Variants in EIF2S3 observed in about 807,000 individuals in gnomAD.
EIF2S3 encodes eukaryotic translation initiation factor 2 subunit 3.
In EIF2S3, 2 loss-of-function variants were observed where a neutral mutation model predicts 31.7. The observed-to-expected ratio is 0.06, with a 90% CI of 0.03 to 0.20. EIF2S3 has a LOEUF of 0.20. Among genes scored for constraint, EIF2S3 ranks in the 10% least tolerant of loss-of-function variants. The pLI is 1.00. For synonymous variants in EIF2S3, 120 were observed against 126.7 expected (o/e 0.95, Z 0.36); for missense variants, 96 against 359.3 (o/e 0.27, Z 5.92).
At chrX:24,063,821 T>C (rs1930530024) in intron 6 of EIF2S3, among the ~76,000 whole-genome samples, 1 of 112,035 alleles carries the variant, frequency 8.9e-6, no homozygotes, top group Non-Finnish European at 1.9e-5. Context: ...TAGCAGAGTC[T>C]GTAATTTTAT....
rs140754709 is a variant in EIF2S3, at chrX:24,078,599, T to A, written c.*1814T>A. ...TTGGTAGACTGATAATACAATTTGC[T>A]TTGCTTTTCTTAAATTTGCATTGAG... On this transcript the variant is annotated 3_prime_UTR_variant, in exon 12 of 12. Coordinates refer to ENST00000253039, the MANE Select transcript of EIF2S3 (RefSeq NM_001415.4). Among the ~76,000 whole-genome samples, 591 of 112,008 alleles carry A rather than the reference T, an allele frequency of 5.3e-3. 4 individuals are homozygous for A. The highest frequency in any genetic ancestry group is 0.018 in the African/African-American group (561 of 30,938).
intron 10 of EIF2S3, among the ~76,000 whole-genome samples, chrX:24,072,034 C>T (rs1403636763): frequency 1.8e-5 from 2 of 108,948 alleles, no homozygotes; most frequent in African/African-American, 6.7e-5. Flanking sequence ...CACCAGCACG[C>T]CCAGCTAATT....
Position 24,076,706 on chromosome X carries a change from T to A in EIF2S3, c.1356-16T>A. On this transcript the variant is annotated splice_polypyrimidine_tract_variant and intron_variant, in intron 11 of 11. Coordinates refer to ENST00000253039, the MANE Select transcript of EIF2S3 (RefSeq NM_001415.4). The stretch of plus-strand genomic sequence containing the variant: ...TGGATGTAAGATTTATGATTTCTTT[T>A]ATTTTCATTTTGCAGTTTAATTGGT... 3 of 1,200,453 alleles carry A rather than the reference T, an allele frequency of 2.5e-6. No individual in the cohort carries two copies. The highest frequency in any genetic ancestry group is 3.4e-6 in the Non-Finnish European group (3 of 889,232).
chrX:24,070,430 T>A (rs1476171257), intron 9 of EIF2S3, among the ~76,000 whole-genome samples: 1 of 97,670 alleles, frequency 1.0e-5, no homozygotes, highest in Admixed American at 1.3e-4. Context: ...ATCCCAGGAA[T>A]CATATGTAGT....
rs1930781162 is a variant in EIF2S3, at chrX:24,077,912, T to G, written c.*1127T>G. 1 of 112,365 alleles carries G rather than the reference T, an allele frequency of 8.9e-6. No homozygotes were observed. The highest frequency in any genetic ancestry group is 3.2e-5 in the African/African-American group (1 of 30,992). 9.3% of individuals were successfully genotyped at this position (112,365 alleles called of 1,213,427 possible). A position where few individuals can be genotyped will look rare whatever the true frequency, so the allele number is the denominator to read the frequency against. On this transcript the variant is annotated 3_prime_UTR_variant, in exon 12 of 12. Transcript: ENST00000253039. ...TATATTATGATTGTGACATAGATTA[T>G]ACTACTACTAATTTTTGGATGTTTC...
chrX:24,062,318 C>T, intron 5 of EIF2S3, 98 bp from the exon 6 acceptor site: 1 of 969,820 alleles, frequency 1.0e-6, no homozygotes, highest in Non-Finnish European at 1.4e-6. Flanking sequence ...CAGCCCCTTG[C>T]AACCCATAAT....
intron 6 of EIF2S3, among the ~76,000 whole-genome samples, chrX:24,063,444 C>T (rs1930522871): frequency 8.9e-6 from 1 of 111,739 alleles, no homozygotes; most frequent in Admixed American, 9.6e-5. Flanking sequence ...TGTGTTTGGT[C>T]TATTTCTTTG....
chrX:24,059,543 C>T (rs2147125919), intron 4 of EIF2S3, among the ~76,000 whole-genome samples: 1 of 110,520 alleles, frequency 9.0e-6, no homozygotes, highest in East Asian at 2.8e-4. Flanking sequence ...CTGCCTCAGC[C>T]TCCCAAGTAG....
chrX:24,060,283 T>G lies in EIF2S3; in HGVS notation c.478+101T>G, dbSNP rs769470296. 3 of 701,010 alleles carry G rather than the reference T, an allele frequency of 4.3e-6. No individual in the cohort carries two copies. In the Admixed American group the frequency reaches 8.0e-5, roughly 19 times the overall value. 57.8% of individuals were successfully genotyped at this position (701,010 alleles called of 1,213,427 possible). On this transcript the variant is annotated intron_variant, in intron 5 of 11. Transcript: ENST00000253039. Reference sequence around the variant, plus strand: ...GCCTTTAAGGATCATATCTATTACCTAAGGGTGACATGAATGGGAACTAAC... The same window carrying G: ...GCCTTTAAGGATCATATCTATTACCGAAGGGTGACATGAATGGGAACTAAC...
chrX:24,074,862 CTTTTTTT>C (rs758813480), intron 11 of EIF2S3, among the ~76,000 whole-genome samples: 7 of 47,474 alleles, frequency 1.5e-4, no homozygotes, highest in South Asian at 9.5e-4. Flanking sequence ...TTTTCTTCTT[CTTTTTTT>C]TTTTTTTTTT....
chrX:24,065,595 A>G (rs1255442457), intron 7 of EIF2S3, among the ~76,000 whole-genome samples: 1 of 111,518 alleles, frequency 9.0e-6, no homozygotes, highest in African/African-American at 3.3e-5. Flanking sequence ...TCCAGCCTCT[A>G]TGATAGAGGG....
At chrX:24,060,345 C>A in intron 5 of EIF2S3, 163 bp downstream of exon 5, 1 of 428,551 alleles carries the variant, frequency 2.3e-6, no homozygotes. Context: ...TATCAGCTAT[C>A]ACAAAATACT....
In EIF2S3 at chrX:24,057,644, T is replaced by G. The variant is rs1443990337; in HGVS notation, c.273T>G (p.Leu91=). 2.5e-6 allele frequency: 3 copies of G among 1,211,423 alleles called. No individual in the cohort carries two copies. The highest frequency in any genetic ancestry group is 3.4e-6 in the Non-Finnish European group (3 of 895,475). The change falls in exon 4 of 12, where the codon CTT becomes CTG. Residue 91 remains leucine, a synonymous_variant. Transcript: ENST00000253039. The stretch of plus-strand genomic sequence containing the variant: ...TATTGAAATTTTAGATTTATAAGCT[T>G]GATGACCCAAGTTGCCCTCGGCCAG... The part of the protein sequence containing the change: ...LGYANAKIYK[L]DDPSCPRPEC...
intron 8 of EIF2S3, among the ~76,000 whole-genome samples, chrX:24,067,697 T>G (rs910288827): frequency 1.0e-4 from 11 of 108,780 alleles, no homozygotes; most frequent in African/African-American, 3.7e-4. Flanking sequence ...TTCTAGCAAT[T>G]CTGCCGCAGC....
intron 8 of EIF2S3, among the ~76,000 whole-genome samples, chrX:24,066,482 CT>C (rs1569279318): frequency 9.3e-6 from 1 of 107,291 alleles, no homozygotes; most frequent in Non-Finnish European, 1.9e-5. Flanking sequence ...CTGCATAATA[CT>C]TCATTGCATA....
chrX:24,066,406 T>TTCC (rs1481239225), intron 8 of EIF2S3, among the ~76,000 whole-genome samples: 1 of 111,106 alleles, frequency 9.0e-6, no homozygotes, highest in Non-Finnish European at 1.9e-5. Context: ...CCTGGCTTAT[T>TTCC]TTACTTAACA....
intron 2 of EIF2S3, 118 bp from the exon 3 acceptor site, chrX:24,057,303 A>G (rs953175424): frequency 4.3e-5 from 40 of 927,744 alleles, no homozygotes; most frequent in Non-Finnish European, 5.7e-5. Flanking sequence ...TGCTGGGATT[A>G]CTGGCGTGAG....
chrX:24,065,694 T>G (rs1930561437), intron 7 of EIF2S3, among the ~76,000 whole-genome samples: 1 of 112,192 alleles, frequency 8.9e-6, no homozygotes, highest in African/African-American at 3.2e-5. Flanking sequence ...ATAACTTTTC[T>G]TAACAGTATG....
chrX:24,061,515 C>T (rs774013977), intron 5 of EIF2S3, among the ~76,000 whole-genome samples: 13 of 103,079 alleles, frequency 1.3e-4, no homozygotes, highest in African/African-American at 2.5e-4. Flanking sequence ...GCCGAGGTGA[C>T]GCCACTGCAC....
Sources: allele counts gnomAD v4.1 joint callset (sites outside exome capture counted in the v4.1 genomes callset), GRCh38; gene constraint gnomAD v4.1.1; transcripts MANE v1.5; gene names NCBI Gene and HGNC (gene_info 2026-07-23, HGNC 2026-07-21).